The following SRRM3 variants were observed in gnomAD, a reference collection of about 807,000 sequenced individuals.
SRRM3 encodes the protein serine/arginine repetitive matrix protein 3.
In SRRM3, 27 loss-of-function variants were observed where a neutral mutation model predicts 66.2. The ratio of observed to expected loss-of-function variants is 0.41; its 90% confidence interval spans 0.30 to 0.56. The LOEUF (loss-of-function observed/expected upper bound fraction) is 0.56, where lower values mean the gene tolerates loss of function less well. Among genes scored for constraint, SRRM3 ranks in the 20% least tolerant of loss-of-function variants. SRRM3 has a pLI of 0.32. For missense variants in SRRM3, 918 were observed against 991.9 expected (o/e 0.93, Z 1.00); for synonymous variants, 391 against 414.9 (o/e 0.94, Z 0.70).
intron 3 of SRRM3, among the ~76,000 whole-genome samples, chr7:76,250,045 ATTT>A (rs529533703): frequency 1.1e-5 from 1 of 90,002 alleles, no homozygotes; most frequent in Non-Finnish European, 2.5e-5. Context: ...TTATTTATTT[ATTT>A]TTATTTATTT....
chr7:76,257,546 C>T (rs151175363), intron 3 of SRRM3, among the ~76,000 whole-genome samples: 5 of 151,624 alleles, frequency 3.3e-5, no homozygotes, highest in African/African-American at 7.3e-5. Flanking sequence ...AGCAATCCTC[C>T]TGGGTTGAGG....
chr7:76,264,579 C>T (rs1273143579), intron 8 of SRRM3, among the ~76,000 whole-genome samples, 186 bp from the exon 9 acceptor site: 2 of 152,070 alleles, frequency 1.3e-5, no homozygotes, highest in Admixed American at 6.6e-5. Flanking sequence ...GGAGGAAGGC[C>T]GGAGCTTTGG....
chr7:76,224,635 G>A (rs1239898961), intron 1 of SRRM3, among the ~76,000 whole-genome samples: 1 of 152,136 alleles, frequency 6.6e-6, no homozygotes, highest in Non-Finnish European at 1.5e-5. Flanking sequence ...CTCCTCACAA[G>A]AGGGTATTAG....
chr7:76,249,043 G>C (rs918303569), intron 3 of SRRM3, among the ~76,000 whole-genome samples: 1 of 152,072 alleles, frequency 6.6e-6, no homozygotes, highest in Non-Finnish European at 1.5e-5. Context: ...GGATGTAAGA[G>C]CCCACACACC....
In SRRM3 at chr7:76,260,028, G is replaced by C. The variant is rs782556264; in HGVS notation, c.458G>C (p.Gly153Ala). The C allele has an allele frequency of 1.9e-6, 3 of 1,559,724 alleles. No homozygotes were observed. The highest frequency in any genetic ancestry group is 1.7e-6 in the Non-Finnish European group (2 of 1,157,574). The change falls in exon 4 of 15, where the codon GGG (glycine) becomes GCG (alanine). Residue 153 changes from glycine to alanine, a missense_variant. By Grantham distance (60) the Gly-to-Ala change is moderately conservative. Coordinates refer to ENST00000611745, the MANE Select transcript of SRRM3 (RefSeq NM_001110199.3). The part of the protein sequence containing the change: ...CPASCYRGHR[G>A]YRTKHWSSSS... ...GCCTCCTGCTACCGCGGCCACCGCG[G>C]GTACAGGTCAGCGGCCGCCGCGGCG...
At chr7:76,208,573 G>T (rs560837300) in intron 1 of SRRM3, among the ~76,000 whole-genome samples, 1 of 151,992 alleles carries the variant, frequency 6.6e-6, no homozygotes, top group African/African-American at 2.4e-5. Flanking sequence ...GGTGGCTCAC[G>T]CCTGTAATCC....
intron 1 of SRRM3, among the ~76,000 whole-genome samples, chr7:76,219,951 A>G (rs1800667690): frequency 6.6e-6 from 1 of 152,158 alleles, no homozygotes; most frequent in Non-Finnish European, 1.5e-5. Context: ...GCTGGACTCG[A>G]GGGCTTACAA....
Position 76,287,016 on chromosome 7 carries a change from A to C in SRRM3, c.*1173A>C, listed in dbSNP as rs1802696913. ...ATGGAGGCTACAGCCCTCAGAAGGG[A>C]GGGGAGGAAAGAGACTGAGGGCCCT... On this transcript the variant is annotated 3_prime_UTR_variant, in exon 15 of 15. Coordinates refer to ENST00000611745, the MANE Select transcript of SRRM3 (RefSeq NM_001110199.3). The C allele has an allele frequency of 6.6e-6, 1 of 152,562 alleles. No homozygotes were observed. The allele number at this position is 152,562 out of a possible 1,614,324, so 9.5% of individuals were successfully genotyped here. A position where few individuals can be genotyped will look rare whatever the true frequency, so the allele number is the denominator to read the frequency against.
intron 1 of SRRM3, among the ~76,000 whole-genome samples, chr7:76,207,345 A>G (rs1250851759): frequency 1.3e-5 from 2 of 152,032 alleles, no homozygotes; most frequent in African/African-American, 4.8e-5. Flanking sequence ...AGAGAATGGC[A>G]TATCTTCATT....
At position 76,218,798 on chromosome 7, in the gene SRRM3, C is replaced by T. The variant is rs370376822; in HGVS notation, c.-39-16230C>T. 8.8e-5 allele frequency among the ~76,000 whole-genome samples: 13 copies of T among 147,832 alleles called. No homozygotes were observed. In the East Asian group the frequency reaches 2.0e-3, roughly 23 times the overall value. ...GGTTCAAGAGATTCTCCTGCCTCAG[C>T]TTCCCAAGTAGCTGGGACTATAGGC... On this transcript the variant is annotated intron_variant, in intron 1 of 14. Coordinates refer to ENST00000611745, the MANE Select transcript of SRRM3 (RefSeq NM_001110199.3).
intron 3 of SRRM3, among the ~76,000 whole-genome samples, chr7:76,258,207 G>A (rs1350377565): frequency 6.6e-6 from 1 of 152,188 alleles, no homozygotes; most frequent in African/African-American, 2.4e-5. Flanking sequence ...AGCAGGGGGG[G>A]CCCCTGGAGG....
chr7:76,235,358 A>G, intron 2 of SRRM3, 59 bp downstream of exon 2: 1 of 1,365,788 alleles, frequency 7.3e-7, no homozygotes, highest in Admixed American at 2.6e-5. Flanking sequence ...GGGTGGGAGA[A>G]GCGAGTGATG....
intron 14 of SRRM3, among the ~76,000 whole-genome samples, chr7:76,284,172 C>CT (rs61170781): frequency 0.039 from 5,216 of 134,624 alleles, 110 homozygotes; most frequent in East Asian, 0.049. Flanking sequence ...GCTACTGCTT[C>CT]TTTTTTTTTT....
chr7:76,276,301 G>A (rs1343830226), intron 11 of SRRM3, among the ~76,000 whole-genome samples: 5 of 152,156 alleles, frequency 3.3e-5, no homozygotes, highest in Admixed American at 2.0e-4. Context: ...CATGCCAGGA[G>A]AGAGGCAGGC....
chr7:76,266,374 A>T (rs1479030058), intron 10 of SRRM3, among the ~76,000 whole-genome samples: 4 of 114,620 alleles, frequency 3.5e-5, no homozygotes, highest in African/African-American at 1.5e-4. Context: ...TTTCATATAA[A>T]TAATATATTT....
intron 1 of SRRM3, among the ~76,000 whole-genome samples, chr7:76,216,457 T>C (rs1395201793): frequency 1.3e-5 from 2 of 152,224 alleles, no homozygotes; most frequent in African/African-American, 4.8e-5. Flanking sequence ...CAGTCTTATC[T>C]TGACTTTTCC....
chr7:76,285,861 T>C lies in SRRM3; in HGVS notation c.*18T>C, dbSNP rs1344978489. 50 of 1,539,422 alleles carry C rather than the reference T, an allele frequency of 3.2e-5. No homozygotes were observed. Among genetic ancestry groups the C allele is most frequent in the Non-Finnish European group, 4.0e-5 (46 of 1,139,180 alleles). ...GCTTCTGAGCCCAGACAGACTCAGC[T>C]TGGTGCCCCCCTGGCACTGGGAGAG... On this transcript the variant is annotated 3_prime_UTR_variant, in exon 15 of 15. Transcript: ENST00000611745. This position sits in a 1 kb window ranked among gnomAD's most constrained non-coding sequence, Gnocchi z 4.1.
chr7:76,219,268 G>T (rs1372786897), intron 1 of SRRM3, among the ~76,000 whole-genome samples: 1 of 152,164 alleles, frequency 6.6e-6, no homozygotes, highest in Admixed American at 6.5e-5. Context: ...GGCTTGGCTG[G>T]GTCTGTCCCA....
At chr7:76,259,489 A>G (rs144217986) in intron 3 of SRRM3, among the ~76,000 whole-genome samples, 1 of 151,700 alleles carries the variant, frequency 6.6e-6, no homozygotes, top group Admixed American at 6.6e-5. Flanking sequence ...AGGAGGAAGG[A>G]TCGCTTGGGC....
Sources: gnomAD v4.1 joint callset for allele counts (sites outside exome capture counted in the v4.1 genomes callset) on GRCh38, gnomAD v4.1.1 for gene constraint, Gnocchi (gnomAD v3.1) non-coding constraint, MANE v1.5 for transcripts, NCBI Gene and HGNC (gene_info 2026-07-23, HGNC 2026-07-21) for gene names.